The following AFF4 variants were observed in gnomAD, a reference collection of about 807,000 sequenced individuals.
AFF4 encodes ALF transcription elongation factor 4.
A neutral mutation model predicts 124.8 loss-of-function variants in AFF4; 13 were observed. That is an observed-to-expected ratio of 0.10 (90% CI 0.07 to 0.17). AFF4 has a LOEUF of 0.17. AFF4 is among the 10% of genes least tolerant of loss of function. The pLI, the probability that AFF4 is intolerant of heterozygous loss-of-function variation, is 1.00. For missense variants in AFF4, 1,092 were observed against 1,403.8 expected, an observed-to-expected ratio of 0.78 and a Z score of 3.55; for synonymous variants, 477 against 496.1, an observed-to-expected ratio of 0.96 and a Z score of 0.51.
chr5:132,887,903 T>G lies in AFF4; in HGVS notation c.2876A>C (p.Asn959Thr). Residue 959 changes from asparagine (N) to threonine (T), a missense_variant, in exon 16 of 21, where the codon AAT (asparagine) becomes ACT (threonine). Around this residue, in one of 11 missense-constraint regions of AFF4, gnomAD observed 173 missense variants for 294.9 expected, o/e 0.59. Coordinates refer to ENST00000265343, the MANE Select transcript of AFF4 (RefSeq NM_014423.4). ...GAATGGGGATTTGGATTCCTGAGCA[T>G]TCTTCTCTAATGCATTCCCACATTC... ...FIECGNALEK[N>T]AQESKSPFPM... The G allele has an allele frequency of 6.2e-7, 1 of 1,613,914 alleles. No individual in the cohort carries two copies. Among genetic ancestry groups the G allele is most frequent in the Non-Finnish European group, 8.5e-7 (1 of 1,179,972 alleles).
At chr5:132,896,131 C>T (rs1760385370) in intron 11 of AFF4, among the ~76,000 whole-genome samples, 192 bp downstream of exon 11, 1 of 152,242 alleles carries the variant, frequency 6.6e-6, no homozygotes, top group African/African-American at 2.4e-5. Flanking sequence ...TTCTGCTTTA[C>T]TGAAGGACAC....
intron 5 of AFF4, among the ~76,000 whole-genome samples, chr5:132,914,244 T>G (rs983861558): frequency 6.9e-6 from 1 of 144,548 alleles, no homozygotes; most frequent in Non-Finnish European, 1.5e-5. Context: ...AATAAATAAA[T>G]AAAATAAGAA....
intron 5 of AFF4, 153 bp downstream of exon 5, chr5:132,926,968 A>T: frequency 3.3e-6 from 2 of 612,118 alleles, no homozygotes; most frequent in Non-Finnish European, 5.6e-6. Flanking sequence ...TCTTCATAAC[A>T]GTTGTCACTA....
intron 1 of AFF4, among the ~76,000 whole-genome samples, chr5:132,955,415 T>C (rs1761930189): frequency 6.6e-6 from 1 of 152,146 alleles, no homozygotes; most frequent in Admixed American, 6.6e-5. Context: ...ACTATGAGAA[T>C]CTGATCTGAT....
chr5:132,961,242 G>A (rs562261964), intron 1 of AFF4, among the ~76,000 whole-genome samples: 47 of 152,056 alleles, frequency 3.1e-4, no homozygotes, highest in Non-Finnish European at 6.2e-4. Flanking sequence ...CAGTTCAAGC[G>A]ATTCTCAAGC....
intron 4 of AFF4, among the ~76,000 whole-genome samples, chr5:132,930,318 G>A (rs896636624): frequency 2.0e-5 from 3 of 152,180 alleles, no homozygotes; most frequent in South Asian, 2.1e-4. Context: ...AAGGCACAAG[G>A]GTTCCAAAAA....
At chr5:132,885,687 T>C (rs1334487378) in intron 18 of AFF4, among the ~76,000 whole-genome samples, 1 of 152,012 alleles carries the variant, frequency 6.6e-6, no homozygotes, top group African/African-American at 2.4e-5. Context: ...TTTAGGAGGA[T>C]TTATGTGGTA....
intron 5 of AFF4, among the ~76,000 whole-genome samples, chr5:132,904,780 T>C (rs1047882549): frequency 2.0e-5 from 3 of 152,132 alleles, no homozygotes; most frequent in Non-Finnish European, 4.4e-5. Flanking sequence ...CTGTATAACC[T>C]TTATCCATTA....
chr5:132,919,743 G>A (rs1242068624), intron 5 of AFF4, among the ~76,000 whole-genome samples: 2 of 152,076 alleles, frequency 1.3e-5, no homozygotes, highest in African/African-American at 4.8e-5. Context: ...CCAGCTATTC[G>A]GGAGACCAAG....
At chr5:132,949,091 A>T (rs561103802) in intron 1 of AFF4, among the ~76,000 whole-genome samples, 54 of 152,114 alleles carry the variant, frequency 3.5e-4, no homozygotes, top group Middle Eastern at 3.4e-3. Flanking sequence ...CGGGTCTAAA[A>T]ACTGCTACTA....
At position 132,881,149 on chromosome 5, in the gene AFF4, G is replaced by C; in HGVS notation, c.3402C>G (p.Leu1134=). ...CTGTCATGATGCTTGCATTAAAGAT[G>C]AGAGGGCCCATTACTTTATCCAGTT... ...FAELDKVMGP[L]IFNASIMTDL... The change falls in exon 21 of 21, where the codon CTC becomes CTG. Residue 1134 remains leucine (L), a synonymous_variant. Coordinates refer to ENST00000265343, the MANE Select transcript of AFF4 (RefSeq NM_014423.4). The C allele has an allele frequency of 6.2e-7, 1 of 1,614,192 alleles. No homozygotes were observed.
chr5:132,917,038 A>G (rs1760929165), intron 5 of AFF4, among the ~76,000 whole-genome samples: 1 of 152,044 alleles, frequency 6.6e-6, no homozygotes, highest in South Asian at 2.1e-4. Context: ...CTCCTGCCTC[A>G]GCCTCCCGAG....
At chr5:132,928,946 C>T (rs772937781) in intron 4 of AFF4, among the ~76,000 whole-genome samples, 3 of 152,082 alleles carry the variant, frequency 2.0e-5, no homozygotes, top group Non-Finnish European at 2.9e-5. Context: ...AGATTGCTTC[C>T]TACATCCAGC....
intron 1 of AFF4, among the ~76,000 whole-genome samples, chr5:132,947,281 T>C (rs1761722188): frequency 6.6e-6 from 1 of 151,800 alleles, no homozygotes; most frequent in Non-Finnish European, 1.5e-5. Flanking sequence ...CGCGCACCTG[T>C]AGTCCCAGCT....
At chr5:132,897,346 A>G (rs1191688864) in intron 10 of AFF4, 106 bp from the exon 11 acceptor site, 1 of 1,181,648 alleles carries the variant, frequency 8.5e-7, no homozygotes, top group Non-Finnish European at 1.2e-6. Context: ...GCCTAATGCA[A>G]CAAAAGCAAA....
At chr5:132,889,310 T>G (rs1004239656) in intron 13 of AFF4, 137 bp from the exon 14 acceptor site, 4 of 602,680 alleles carry the variant, frequency 6.6e-6, no homozygotes, top group African/African-American at 3.7e-5. Flanking sequence ...TTACAAAACT[T>G]TTATAAACTT....
chr5:132,926,356 T>C (rs1236295342), intron 5 of AFF4: 2 of 260,368 alleles, frequency 7.7e-6, no homozygotes, highest in Non-Finnish European at 1.6e-5. Context: ...TAAGTATAAG[T>C]TTAAAAAAAA....
At chr5:132,912,854 A>ACAC (rs147605069) in intron 5 of AFF4, among the ~76,000 whole-genome samples, 3 of 146,642 alleles carry the variant, frequency 2.0e-5, no homozygotes, top group African/African-American at 7.5e-5. Context: ...ACACACACAC[A>ACAC]ACACACACAC....
chr5:132,951,560 C>A (rs1761842403), intron 1 of AFF4, among the ~76,000 whole-genome samples: 1 of 152,172 alleles, frequency 6.6e-6, no homozygotes, highest in African/African-American at 2.4e-5. Context: ...CAGAGTCTCA[C>A]TTGGTTCCCC....
Sources: allele counts gnomAD v4.1 joint callset (sites outside exome capture counted in the v4.1 genomes callset), GRCh38; gene constraint gnomAD v4.1.1; regional missense constraint gnomAD v4.1.1; transcripts MANE v1.5; gene names NCBI Gene and HGNC (gene_info 2026-07-23, HGNC 2026-07-21).